TCHH: variants seen among roughly 807,000 people sequenced by gnomAD.
The protein encoded by TCHH is trichohyalin.
TCHH carries 6 observed loss-of-function variants against 6.3 expected under a neutral mutation model. The observed-to-expected ratio is 0.95, with a 90% CI of 0.52 to 1.88. The LOEUF (loss-of-function observed/expected upper bound fraction) is 1.88. Ranked by LOEUF, TCHH falls within the 40% of genes most tolerant of loss-of-function variation. The pLI, the probability that TCHH is intolerant of heterozygous loss-of-function variation, is 0.01. For missense variants in TCHH, 2,920 were observed against 2,449.1 expected, an observed-to-expected ratio of 1.19 and a Z score of -4.06; for synonymous variants, 1,087 against 963.6, an observed-to-expected ratio of 1.13 and a Z score of -2.37.
At position 152,108,965 on chromosome 1, in the gene TCHH, C is replaced by G. The variant is rs771357271; in HGVS notation, c.4252G>C (p.Glu1418Gln). 8 of 1,612,188 alleles carry G rather than the reference C, an allele frequency of 5.0e-6. 1 individual carries two copies. The South Asian group carries it at 6.6e-5, about 13-fold the overall frequency. Residue 1418 changes from glutamate (E) to glutamine (Q), a missense_variant, in exon 3 of 3, where the codon GAG becomes CAG. Transcript: ENST00000614923. The part of the protein sequence containing the change: ...LRQDRDRKFR[E>Q]EEQQLSRQER... ...TGGCGGCTCAGCTGCTGTTCCTCCT[C>G]GCGGAATTTTCTGTCGCGGTCCTGA...
At position 152,110,731 on chromosome 1, in the gene TCHH, T is replaced by G. The variant is rs1658308927; in HGVS notation, c.2486A>C (p.Lys829Thr). 3.7e-6 allele frequency: 6 copies of G among 1,610,588 alleles called. No homozygotes were observed. The highest frequency in any genetic ancestry group is 5.1e-6 in the Non-Finnish European group (6 of 1,179,950). Residue 829 changes from lysine to threonine, a missense_variant, in exon 3 of 3, where the codon AAA becomes ACA. Coordinates refer to ENST00000614923, the MANE Select transcript of TCHH (RefSeq NM_007113.4). The part of the protein sequence containing the change: ...QRRRQRRERE[K>T]ELQFLEEEEQ... ...CTCTTCCTCCAGGAACTGCAGCTCTTTCTCCCTCTCGCGTCGCTGGCGGCG... is the reference window on the plus strand; with the variant it reads ...CTCTTCCTCCAGGAACTGCAGCTCTGTCTCCCTCTCGCGTCGCTGGCGGCG...
chr1:152,109,007 G>A lies in TCHH; in HGVS notation c.4210C>T (p.Arg1404Cys), dbSNP rs367869823. Reference protein sequence around the residue: ...KEEQQLRCQEREQQLRQDRDR... With the variant: ...KEEQQLRCQECEQQLRQDRDR... Reference sequence around the variant, plus strand: ...CGGTCCTGACGCAGCTGTTGCTCGCGCTCCTGGCAGCGCAGCTGCTGTTCC... The same window carrying A: ...CGGTCCTGACGCAGCTGTTGCTCGCACTCCTGGCAGCGCAGCTGCTGTTCC... The change falls in exon 3 of 3, where the codon CGC becomes TGC. Residue 1404 changes from arginine (R) to cysteine (C), a missense_variant. By Grantham distance (180) the Arg-to-Cys change is radical. Transcript: ENST00000614923. 2 of 1,609,846 alleles carry A rather than the reference G, an allele frequency of 1.2e-6. No individual in the cohort carries two copies. Among genetic ancestry groups the A allele is most frequent in the African/African-American group, 1.4e-5 (1 of 73,158 alleles).
Position 152,108,699 on chromosome 1 carries a change from C to T in TCHH, c.4518G>A (p.Gln1506=), listed in dbSNP as rs1217516984. The T allele has an allele frequency of 2.5e-6, 4 of 1,612,408 alleles. No individual in the cohort carries two copies. In the African/African-American group the frequency reaches 4.0e-5, roughly 16 times the overall value. The change falls in exon 3 of 3, where the codon CAG becomes CAA. Residue 1506 remains glutamine (Q), a synonymous_variant. Coordinates refer to ENST00000614923, the MANE Select transcript of TCHH (RefSeq NM_007113.4). The stretch of plus-strand genomic sequence containing the variant: ...TCTCTGGTTCCTGACTGCGCAGTTC[C>T]TGTTCGCGGAATTTTCTGTCACGCT... ...RQERDRKFRE[Q]ELRSQEPERK...
chr1:152,109,381 C>G lies in TCHH; in HGVS notation c.3836G>C (p.Arg1279Pro), dbSNP rs1463467082. The G allele has an allele frequency of 2.4e-5, 38 of 1,614,146 alleles. No homozygotes were observed. The highest frequency in any genetic ancestry group is 3.1e-5 in the Non-Finnish European group (37 of 1,180,064). The change falls in exon 3 of 3, where the codon CGT (arginine) becomes CCT (proline). Residue 1279 changes from arginine (R) to proline (P), a missense_variant. Arg to Pro is a moderately radical substitution (Grantham distance 103, BLOSUM62 -2). Transcript: ENST00000614923. ...HLLGEQQERD[R>P]EQERRRWQQR... ...CTGCCAGCGCCTCCTCTCTTGCTCACGATCTCGCTCTTGCTGTTCACCCAG... is the reference window on the plus strand; with the variant it reads ...CTGCCAGCGCCTCCTCTCTTGCTCAGGATCTCGCTCTTGCTGTTCACCCAG...
Position 152,109,479 on chromosome 1 carries a change from C to T in TCHH, c.3738G>A (p.Glu1246=), listed in dbSNP as rs1364034606. ...CTTCCAACTGCCGGAACTGTTCATT[C>T]TCTCTGCCTTTGCAGTAAACCTTGT... The part of the protein sequence containing the change: ...RDNKVYCKGR[E]NEQFRQLEDS... Residue 1246 remains glutamate, a synonymous_variant, in exon 3 of 3, where the codon GAG becomes GAA. Transcript: ENST00000614923. The T allele has an allele frequency of 1.2e-6, 2 of 1,614,136 alleles. No homozygotes were observed. Among genetic ancestry groups the T allele is most frequent in the East Asian group, 2.2e-5 (1 of 44,904 alleles).
chr1:152,109,165 T>C lies in TCHH; in HGVS notation c.4052A>G (p.Gln1351Arg), dbSNP rs1572155826. The C allele has an allele frequency of 6.2e-7, 1 of 1,613,932 alleles. No individual in the cohort carries two copies. The change falls in exon 3 of 3, where the codon CAG becomes CGG. Residue 1351 changes from glutamine to arginine, a missense_variant. Coordinates refer to ENST00000614923, the MANE Select transcript of TCHH (RefSeq NM_007113.4). Reference protein sequence around the residue: ...EEQLLQEREEQPLRRQERDRK... With the variant: ...EEQLLQEREERPLRRQERDRK... Reference sequence around the variant, plus strand: ...GTCACGCTCTTGGCGGCGCAGCGGCTGTTCCTCCCTTTCCTGGAGCAGCTG... The same window carrying C: ...GTCACGCTCTTGGCGGCGCAGCGGCCGTTCCTCCCTTTCCTGGAGCAGCTG...
Position 152,107,495 on chromosome 1 carries a change from C to T in TCHH, c.5722G>A (p.Gly1908Ser). The T allele has an allele frequency of 6.2e-7, 1 of 1,614,222 alleles. No homozygotes were observed. The highest frequency in any genetic ancestry group is 8.5e-7 in the Non-Finnish European group (1 of 1,180,040). ...VGEIKSQEGK[G>S]HGRLLEPGTH... ...CCGGGCTCCAGAAGCCGCCCATGGC[C>T]CTTCCCTTCTTGGGATTTTATCTCC... Residue 1908 changes from glycine (G) to serine (S), a missense_variant, in exon 3 of 3, where the codon GGC (glycine) becomes AGC (serine). Physicochemically the swap from Gly to Ser is moderately conservative, Grantham distance 56. Coordinates refer to ENST00000614923, the MANE Select transcript of TCHH (RefSeq NM_007113.4).
At position 152,111,233 on chromosome 1, in the gene TCHH, C is replaced by T. The variant is rs199860960; in HGVS notation, c.1984G>A (p.Glu662Lys). The change falls in exon 3 of 3, where the codon GAG becomes AAG. Residue 662 changes from glutamate (E) to lysine (K), a missense_variant. Transcript: ENST00000614923. ...TGCTCGAGCCTCTCTTCCTCCTCCT[C>T]GCGCTTCAGCCGCTGCTCGCGCCTT... ...QERREQRLKR[E>K]EEEERLEQRL... is the part of the protein sequence containing the mutation. 3.1e-4 allele frequency: 492 copies of T among 1,600,668 alleles called. 3 individuals are homozygous for T. Among genetic ancestry groups the T allele is most frequent in the Non-Finnish European group, 1.8e-4 (217 of 1,173,570 alleles).
Position 152,112,820 on chromosome 1 carries a change from G to C in TCHH, c.397C>G (p.Pro133Ala). 1.2e-6 allele frequency: 2 copies of C among 1,613,816 alleles called. No individual in the cohort carries two copies. Among genetic ancestry groups the C allele is most frequent in the South Asian group, 1.1e-5 (1 of 91,046 alleles). The change falls in exon 3 of 3, where the codon CCT (proline) becomes GCT (alanine). Residue 133 changes from proline (P) to alanine (A), a missense_variant. Pro to Ala is a conservative substitution (Grantham distance 27). Transcript: ENST00000614923. ...EPRDRQLEEEPGQRRRQKRQE... is the reference protein window; with the variant it reads ...EPRDRQLEEEAGQRRRQKRQE... ...CTCTTCTGCCTGCGTCGTTGCCCAG[G>C]TTCTTCTTCCAGTTGTCTGTCCCGG...
Position 152,109,185 on chromosome 1 carries a change from C to A in TCHH, c.4032G>T (p.Leu1344=), listed in dbSNP as rs1289514874. Reference sequence around the variant, plus strand: ...GCGGCTGTTCCTCCCTTTCCTGGAGCAGCTGTTCCTCCTCGCGGAATTTTC... The same window carrying A: ...GCGGCTGTTCCTCCCTTTCCTGGAGAAGCTGTTCCTCCTCGCGGAATTTTC... ...TDRKFREEEQ[L]LQEREEQPLR... is the part of the protein sequence containing the mutation. Residue 1344 remains leucine, a synonymous_variant, in exon 3 of 3, where the codon CTG becomes CTT. Transcript: ENST00000614923. 5.0e-6 allele frequency: 8 copies of A among 1,613,960 alleles called. No homozygotes were observed. The highest frequency in any genetic ancestry group is 1.1e-5 in the South Asian group (1 of 91,084).
chr1:152,108,283 A>T lies in TCHH; in HGVS notation c.4934T>A (p.Phe1645Tyr), dbSNP rs369597754. 1.9e-6 allele frequency: 3 copies of T among 1,611,582 alleles called. No individual in the cohort carries two copies. Among genetic ancestry groups the T allele is most frequent in the Non-Finnish European group, 2.5e-6 (3 of 1,179,530 alleles). ...GCGCAGCTGCGGTTCCTCCTCGAGG[A>T]ATTTTCTGTCACGCTCTTGGCGGTG... ...QLHRQERDRK[F>Y]LEEEPQLRRQ... Residue 1645 changes from phenylalanine to tyrosine, a missense_variant, in exon 3 of 3, where the codon TTC (phenylalanine) becomes TAC (tyrosine). Transcript: ENST00000614923.
In TCHH at chr1:152,108,784, A is replaced by G; in HGVS notation, c.4433T>C (p.Leu1478Pro). 1 of 1,608,954 alleles carries G rather than the reference A, an allele frequency of 6.2e-7. No individual in the cohort carries two copies. Among genetic ancestry groups the G allele is most frequent in the Non-Finnish European group, 8.5e-7 (1 of 1,179,040 alleles). The change falls in exon 3 of 3, where the codon CTG becomes CCG. Residue 1478 changes from leucine to proline, a missense_variant. Coordinates refer to ENST00000614923, the MANE Select transcript of TCHH (RefSeq NM_007113.4). ...QLLQEREEQQ[L>P]HRQERDRKFL... ...TTTTCTGTCACGCTCTTGGCGGTGC[A>G]GCTGCTGTTCTTCCCTTTCCTGGAG...
Position 152,112,202 on chromosome 1 carries a change from G to C in TCHH, c.1015C>G (p.Leu339Val), listed in dbSNP as rs200552981. The change falls in exon 3 of 3, where the codon CTG becomes GTG. Residue 339 changes from leucine (L) to valine (V), a missense_variant. Coordinates refer to ENST00000614923, the MANE Select transcript of TCHH (RefSeq NM_007113.4). ...EQQEERREQQ[L>V]RREQEERREQ... is the part of the protein sequence containing the mutation. ...CGCCTCTCCTCCTGCTCGCGCCTCA[G>C]CTGCTGCTCGCGCCTCTCCTCCTGC... 14 of 1,558,258 alleles carry C rather than the reference G, an allele frequency of 9.0e-6. 2 individuals carry two copies. The Middle Eastern group carries it at 6.8e-4, about 76-fold the overall frequency.
chr1:152,109,325 G>T lies in TCHH; in HGVS notation c.3892C>A (p.Gln1298Lys). 4 of 1,614,156 alleles carry T rather than the reference G, an allele frequency of 2.5e-6. No homozygotes were observed. The highest frequency in any genetic ancestry group is 2.5e-6 in the Non-Finnish European group (3 of 1,180,028). The change falls in exon 3 of 3, where the codon CAG (glutamine) becomes AAG (lysine). Residue 1298 changes from glutamine (Q) to lysine (K), a missense_variant. Physicochemically the swap from Gln to Lys is moderately conservative, Grantham distance 53. Transcript: ENST00000614923. ...TCCTTTTGCTCTTCTCGCTCCAGCT[G>T]TTCTTCCTCTGGGAAATGCCTGTCG... Reference protein sequence around the residue: ...QRDRHFPEEEQLEREEQKEAK... With the variant: ...QRDRHFPEEEKLEREEQKEAK...
In TCHH at chr1:152,108,887, G is replaced by A. The variant is rs371590731; in HGVS notation, c.4330C>T (p.Arg1444Ter). The change falls in exon 3 of 3, where the codon CGA becomes TGA. Residue 1444 changes from arginine (R) to a stop codon, truncating the protein, a stop_gained. Transcript: ENST00000614923. LOFTEE classifies it low-confidence loss of function (END_TRUNC). ...TCCTCCTCCAGGAATTTTCTCTCTC[G>A]TTCCTGGCGGCGCACCTGCTGTTCC... ...EEEQQVRRQERERKFLEEEQQ... is the reference protein window; with the variant it reads ...EEEQQVRRQE The A allele has an allele frequency of 2.5e-6, 4 of 1,610,742 alleles. No individual in the cohort carries two copies. The highest frequency in any genetic ancestry group is 1.7e-6 in the Non-Finnish European group (2 of 1,179,400).
In TCHH at chr1:152,110,974, C is replaced by T; in HGVS notation, c.2243G>A (p.Trp748Ter). 6.2e-7 allele frequency: 1 copy of T among 1,613,464 alleles called. No homozygotes were observed. Among genetic ancestry groups the T allele is most frequent in the East Asian group, 2.2e-5 (1 of 44,828 alleles). Residue 748 changes from tryptophan to a stop codon, truncating the protein, a stop_gained, in exon 3 of 3, where the codon TGG becomes TAG. Coordinates refer to ENST00000614923, the MANE Select transcript of TCHH (RefSeq NM_007113.4). LOFTEE classifies it low-confidence loss of function (END_TRUNC). ...CCGGTGAGCCCGTTCCTCCTCCTGC[C>T]ATTGCAGCTCACTCTCCCGGCGCCG... is the stretch of plus-strand genomic sequence containing the variant. ...KRRRRESELQWQEEERAHRQQ... is the reference protein window; with the variant it reads ...KRRRRESELQ
At position 152,108,689 on chromosome 1, in the gene TCHH, T is replaced by A; in HGVS notation, c.4528A>T (p.Ser1510Cys). ...DRKFREQELR[S>C]QEPERKFLEE... is the part of the protein sequence containing the mutation. ...AGGAATTTTCTCTCTGGTTCCTGAC[T>A]GCGCAGTTCCTGTTCGCGGAATTTT... The change falls in exon 3 of 3, where the codon AGT (serine) becomes TGT (cysteine). Residue 1510 changes from serine (S) to cysteine (C), a missense_variant. Coordinates refer to ENST00000614923, the MANE Select transcript of TCHH (RefSeq NM_007113.4). 1 of 1,604,696 alleles carries A rather than the reference T, an allele frequency of 6.2e-7. No individual in the cohort carries two copies. Among genetic ancestry groups the A allele is most frequent in the African/African-American group, 1.4e-5 (1 of 72,328 alleles).
chr1:152,111,892 C>T lies in TCHH; in HGVS notation c.1325G>A (p.Arg442Lys). The T allele has an allele frequency of 6.3e-7, 1 of 1,599,186 alleles. No individual in the cohort carries two copies. The highest frequency in any genetic ancestry group is 1.7e-4 in the Middle Eastern group (1 of 5,984). ...CTCGCGCTTCAGCCGCTGCTCGCGC[C>T]TCTCCTGCTCGTGCTTCTGCTCGTG... is the stretch of plus-strand genomic sequence containing the variant. ...ERHEQKHEQE[R>K]REQRLKREQE... The change falls in exon 3 of 3, where the codon AGG becomes AAG. Residue 442 changes from arginine (R) to lysine (K), a missense_variant. Arg to Lys is a conservative substitution (Grantham distance 26). Coordinates refer to ENST00000614923, the MANE Select transcript of TCHH (RefSeq NM_007113.4).
In TCHH at chr1:152,110,982, C is replaced by G; in HGVS notation, c.2235G>C (p.Glu745Asp). Residue 745 changes from glutamate to aspartate, a missense_variant, in exon 3 of 3, where the codon GAG becomes GAC. Transcript: ENST00000614923. ...QEEKRRRRES[E>D]LQWQEEERAH... ...CCCGTTCCTCCTCCTGCCATTGCAGCTCACTCTCCCGGCGCCGCCTCTTTT... is the reference window on the plus strand; with the variant it reads ...CCCGTTCCTCCTCCTGCCATTGCAGGTCACTCTCCCGGCGCCGCCTCTTTT... 3.7e-6 allele frequency: 6 copies of G among 1,613,606 alleles called. No individual in the cohort carries two copies. The highest frequency in any genetic ancestry group is 5.1e-6 in the Non-Finnish European group (6 of 1,180,028).
Sources: gnomAD v4.1 joint callset for allele counts on GRCh38, gnomAD v4.1.1 for gene constraint, MANE v1.5 for transcripts, NCBI Gene and HGNC (gene_info 2026-07-23, HGNC 2026-07-21) for gene names.